Variants in NUDC observed in about 807,000 individuals in gnomAD.
NUDC encodes nuclear distribution C, dynein complex regulator.
A neutral mutation model predicts 45.0 loss-of-function variants in NUDC; 14 were observed. That is an observed-to-expected ratio of 0.31 (90% CI 0.21 to 0.49). The LOEUF is 0.49. Ranked by LOEUF, NUDC falls within the 20% of genes least tolerant of loss-of-function variation. The probability of loss-of-function intolerance (pLI) is 0.99; values close to 1 mark genes in which losing one functional copy is unlikely to be tolerated. For synonymous variants in NUDC, 153 were observed against 156.7 expected (o/e 0.98, Z 0.17); for missense variants, 323 against 426.2 (o/e 0.76, Z 2.13).
Position 26,921,744 on chromosome 1 carries a change from C to A in NUDC, c.-105C>A. On this transcript the variant is annotated 5_prime_UTR_variant, in exon 1 of 9. Transcript: ENST00000321265. ...CGCGTGCGTGTTTCCGGCTCCGCTG[C>A]GGAAGGCGGACGACTAGAGTCGTTG... 8.0e-7 allele frequency: 1 copy of A among 1,253,254 alleles called. No individual in the cohort carries two copies. The highest frequency in any genetic ancestry group is 1.3e-5 in the South Asian group (1 of 77,636). The allele number at this position is 1,253,254 out of a possible 1,614,324, so 77.6% of individuals were successfully genotyped here.
chr1:26,928,966 G>C (rs1019700674), intron 2 of NUDC, among the ~76,000 whole-genome samples: 4 of 152,184 alleles, frequency 2.6e-5, no homozygotes, highest in African/African-American at 9.7e-5. Context: ...GCACACCCAT[G>C]TTCACAGCAG....
chr1:26,925,785 G>A lies in NUDC; in HGVS notation c.159+1619G>A, dbSNP rs956512095. ...TGCCCAGGCTGCAGTGCAATGGCAC[G>A]ATCTCAGCTCACCACAACCTCCGCC... On this transcript the variant is annotated intron_variant, in intron 2 of 8. Transcript: ENST00000321265. Among the ~76,000 whole-genome samples, 7 of 145,278 alleles carry A rather than the reference G, an allele frequency of 4.8e-5. No individual in the cohort carries two copies. In the East Asian group the frequency reaches 1.3e-3, roughly 26 times the overall value.
At chr1:26,901,397 CTTTTTTTTT>C (rs34988488) in intron 1 of NUDC, among the ~76,000 whole-genome samples, 4 of 73,620 alleles carry the variant, frequency 5.4e-5, no homozygotes, top group African/African-American at 2.3e-4. Context: ...GCCTTTTTGT[CTTTTTTTTT>C]TTTTTTTTTT....
At chr1:26,909,959 G>A (rs1465494074) in intron 2 of NUDC, among the ~76,000 whole-genome samples, 1 of 152,110 alleles carries the variant, frequency 6.6e-6, no homozygotes, top group Non-Finnish European at 1.5e-5. Flanking sequence ...AGGATGAATG[G>A]TTAGCTGGGG....
chr1:26,906,290 A>G (rs2124053541), intron 2 of NUDC, among the ~76,000 whole-genome samples: 1 of 149,492 alleles, frequency 6.7e-6, no homozygotes, highest in South Asian at 2.1e-4. Flanking sequence ...AAAAAAAACG[A>G]AAAAATACAA....
At chr1:26,921,530 G>T (rs2082090416), upstream of NUDC, among the ~76,000 whole-genome samples, 1 of 152,220 alleles carries the variant, frequency 6.6e-6, no homozygotes, top group African/African-American at 2.4e-5. Context: ...ACGGCATCGG[G>T]TGACCATAGC....
intron 2 of NUDC, among the ~76,000 whole-genome samples, chr1:26,932,324 G>A (rs1018115149): frequency 4.0e-5 from 6 of 151,638 alleles, no homozygotes; most frequent in African/African-American, 1.5e-4. Context: ...TTACAGGTGC[G>A]CACAACCATG....
At chr1:26,932,478 C>T (rs2082191654) in intron 2 of NUDC, among the ~76,000 whole-genome samples, 1 of 151,868 alleles carries the variant, frequency 6.6e-6, no homozygotes, top group Non-Finnish European at 1.5e-5. Context: ...TGCGCCCGGC[C>T]CCCAGCTAAT....
At chr1:26,927,308 G>A (rs1397612023) in intron 2 of NUDC, among the ~76,000 whole-genome samples, 1 of 51,040 alleles carries the variant, frequency 2.0e-5, no homozygotes. Context: ...TGTGTGTCAG[G>A]GTCTTGCTCT....
intron 2 of NUDC, among the ~76,000 whole-genome samples, chr1:26,930,890 C>T (rs1172401416): frequency 6.6e-6 from 1 of 151,526 alleles, no homozygotes; most frequent in Non-Finnish European, 1.5e-5. Flanking sequence ...GTGGCAGGGG[C>T]CTGTAATCCC....
At chr1:26,914,504 G>A (rs1399533778) in intron 3 of NUDC, among the ~76,000 whole-genome samples, 1 of 152,110 alleles carries the variant, frequency 6.6e-6, no homozygotes, top group African/African-American at 2.4e-5. Flanking sequence ...CCAGGACCCT[G>A]GGGGCTGGGA....
At chr1:26,937,454 G>A (rs532152322) in intron 2 of NUDC, among the ~76,000 whole-genome samples, 1 of 151,708 alleles carries the variant, frequency 6.6e-6, no homozygotes, top group Admixed American at 6.6e-5. Context: ...TAATATTTTC[G>A]TATTTTTGGT....
intron 2 of NUDC, among the ~76,000 whole-genome samples, chr1:26,910,110 T>G (rs1008525759): frequency 6.6e-6 from 1 of 152,074 alleles, no homozygotes; most frequent in Non-Finnish European, 1.5e-5. Flanking sequence ...CACTCTGGCA[T>G]GGGGGTGTCT....
chr1:26,917,583 AAAAT>A (rs1185934082), upstream of NUDC, among the ~76,000 whole-genome samples: 2 of 151,668 alleles, frequency 1.3e-5, no homozygotes, highest in African/African-American at 4.8e-5. Context: ...ATAATAAATA[AAAAT>A]AAATAAATAA....
At chr1:26,926,763 G>A (rs757943519) in intron 2 of NUDC, among the ~76,000 whole-genome samples, 33 of 152,110 alleles carry the variant, frequency 2.2e-4, no homozygotes, top group Non-Finnish European at 3.4e-4. Context: ...ACCATGCCTG[G>A]CTAATTTTGT....
intron 2 of NUDC, among the ~76,000 whole-genome samples, chr1:26,902,595 T>C (rs987416172): frequency 1.3e-5 from 2 of 152,078 alleles, no homozygotes; most frequent in Admixed American, 6.6e-5. Context: ...TCAAATAAAA[T>C]CTCTCCTGGC....
chr1:26,925,784 C>A (rs187015713), intron 2 of NUDC, among the ~76,000 whole-genome samples: 1 of 147,740 alleles, frequency 6.8e-6, no homozygotes, highest in Non-Finnish European at 1.5e-5. Flanking sequence ...TGCAATGGCA[C>A]GATCTCAGCT....
At chr1:26,937,576 C>T (rs568067888) in intron 2 of NUDC, among the ~76,000 whole-genome samples, 31 of 152,194 alleles carry the variant, frequency 2.0e-4, no homozygotes, top group Middle Eastern at 3.4e-3. Context: ...AGCCACTGTA[C>T]CTGGTAAACT....
exon 1 of NUDC, chr1:26,900,362 G>T: frequency 3.1e-6 from 5 of 1,614,036 alleles, no homozygotes; most frequent in Non-Finnish European, 4.2e-6. Context: ...TCCGTAAATG[G>T]GCCGAGCGCA....
Sources: allele counts gnomAD v4.1 joint callset (sites outside exome capture counted in the v4.1 genomes callset), GRCh38; gene constraint gnomAD v4.1.1; transcripts MANE v1.5; gene names NCBI Gene and HGNC (gene_info 2026-07-23, HGNC 2026-07-21).